Variants in TESK2 observed in about 807,000 individuals in gnomAD.
TESK2 encodes the protein testis associated actin remodelling kinase 2.
In TESK2, 39 loss-of-function variants were observed where a neutral mutation model predicts 57.1. The observed-to-expected ratio is 0.68, with a 90% CI of 0.53 to 0.89. The LOEUF (loss-of-function observed/expected upper bound fraction) is 0.89. Ranked by LOEUF, TESK2 falls within the 40% of genes least tolerant of loss-of-function variation. The pLI, the probability that TESK2 is intolerant of heterozygous loss-of-function variation, is 0.00. For missense variants in TESK2, 646 were observed against 732.1 expected, an observed-to-expected ratio of 0.88 and a Z score of 1.36; for synonymous variants, 249 against 267.9, an observed-to-expected ratio of 0.93 and a Z score of 0.69.
intron 3 of TESK2, among the ~76,000 whole-genome samples, chr1:45,395,813 T>C (rs1649333588): frequency 6.6e-6 from 1 of 152,060 alleles, no homozygotes; most frequent in African/African-American, 2.4e-5. Flanking sequence ...GCTTTAACTA[T>C]GTTTTATCAC....
At chr1:45,411,910 G>C (rs1045197682) in intron 3 of TESK2, among the ~76,000 whole-genome samples, 1 of 152,188 alleles carries the variant, frequency 6.6e-6, no homozygotes, top group Non-Finnish European at 1.5e-5. Flanking sequence ...TCCCGCCTCA[G>C]TCTCCCAAGT....
At chr1:45,472,589 G>A (rs1652814602) in intron 1 of TESK2, among the ~76,000 whole-genome samples, 1 of 148,350 alleles carries the variant, frequency 6.7e-6, no homozygotes, top group Non-Finnish European at 1.5e-5. Flanking sequence ...TGATCAAGTA[G>A]ACATATGAGG....
At chr1:45,485,438 C>T (rs1428269832) in intron 1 of TESK2, among the ~76,000 whole-genome samples, 2 of 152,102 alleles carry the variant, frequency 1.3e-5, no homozygotes, top group African/African-American at 4.8e-5. Flanking sequence ...CCGCCCGCCT[C>T]GGCCTCCCAA....
At chr1:45,346,912 G>A (rs972513694) in intron 8 of TESK2, 67 bp downstream of exon 8, 8 of 1,579,422 alleles carry the variant, frequency 5.1e-6, no homozygotes, top group African/African-American at 2.7e-5. Flanking sequence ...CCATCCCAGG[G>A]ACAGAACAGT....
chr1:45,447,874 G>A (rs903585615), intron 2 of TESK2, among the ~76,000 whole-genome samples: 6 of 151,902 alleles, frequency 3.9e-5, no homozygotes, highest in Non-Finnish European at 1.5e-5. Flanking sequence ...TTTATATGCA[G>A]TCCATCATTG....
chr1:45,369,297 A>G (rs1200594043), intron 4 of TESK2, among the ~76,000 whole-genome samples: 1 of 151,904 alleles, frequency 6.6e-6, no homozygotes, highest in Non-Finnish European at 1.5e-5. Flanking sequence ...TCAAGAGTTC[A>G]AGACCAGCCT....
At chr1:45,454,092 C>T (rs547956305) in intron 2 of TESK2, among the ~76,000 whole-genome samples, 12 of 152,160 alleles carry the variant, frequency 7.9e-5, no homozygotes, top group South Asian at 4.2e-4. Context: ...ACAACCACTA[C>T]GGAAAACAGT....
intron 5 of TESK2, among the ~76,000 whole-genome samples, chr1:45,353,189 T>C (rs1477530008): frequency 1.3e-5 from 2 of 152,234 alleles, no homozygotes; most frequent in Admixed American, 6.5e-5. Flanking sequence ...TGAGCCACCA[T>C]GCCCGGCCTG....
chr1:45,436,126 T>A (rs1227218769), intron 2 of TESK2, among the ~76,000 whole-genome samples: 1 of 149,486 alleles, frequency 6.7e-6, no homozygotes, highest in East Asian at 2.0e-4. Flanking sequence ...TTTGTTTCCA[T>A]ACAAAATTTT....
At chr1:45,345,796 T>A in intron 10 of TESK2, 81 bp downstream of exon 10, 2 of 1,205,078 alleles carry the variant, frequency 1.7e-6, no homozygotes, top group South Asian at 1.3e-5. Context: ...ATCCTGGCAA[T>A]CACAACCCTA....
chr1:45,462,225 A>C (rs923215020), intron 1 of TESK2, among the ~76,000 whole-genome samples: 8 of 151,994 alleles, frequency 5.3e-5, no homozygotes, highest in African/African-American at 1.9e-4. Context: ...ATTTCACTTA[A>C]CATGATGTCC....
chr1:45,387,645 A>G (rs933734861), intron 3 of TESK2, among the ~76,000 whole-genome samples: 1 of 152,216 alleles, frequency 6.6e-6, no homozygotes, highest in Non-Finnish European at 1.5e-5. Flanking sequence ...CAAATTCAGT[A>G]AATGATTGCT....
intron 1 of TESK2, among the ~76,000 whole-genome samples, chr1:45,471,289 T>A (rs1251784541): frequency 1.3e-5 from 2 of 152,184 alleles, no homozygotes; most frequent in Admixed American, 1.3e-4. Flanking sequence ...TTAATCGCTA[T>A]GTTAATATTG....
At chr1:45,464,398 T>C (rs1428596699) in intron 1 of TESK2, among the ~76,000 whole-genome samples, 1 of 151,036 alleles carries the variant, frequency 6.6e-6, no homozygotes, top group South Asian at 2.1e-4. Flanking sequence ...CACTCCAGCC[T>C]TGGCGACAGA....
intron 4 of TESK2, among the ~76,000 whole-genome samples, 176 bp downstream of exon 4, chr1:45,385,736 A>ATATATATATATATATATATAT (rs1557552020): frequency 1.6e-4 from 24 of 149,172 alleles, no homozygotes; most frequent in African/African-American, 5.7e-4. Context: ...ATATATATAT[A>ATATATATATATATATATATAT]AAGAAATACT....
At position 45,480,863 on chromosome 1, in the gene TESK2, C is replaced by G. The variant is rs533740407; in HGVS notation, c.-87+9989G>C. On this transcript the variant is annotated intron_variant, in intron 1 of 10. Transcript: ENST00000372086. ...ATTAGCCAGGTGTGGTGGTGCACAC[C>G]TGTAATCCCAGCTACTCAGGAGGCT... 2.2e-3 allele frequency among the ~76,000 whole-genome samples: 329 copies of G among 151,330 alleles called. 1 individual carries two copies. Among genetic ancestry groups the G allele is most frequent in the African/African-American group, 7.7e-3 (316 of 40,984 alleles).
intron 1 of TESK2, among the ~76,000 whole-genome samples, chr1:45,473,103 G>A (rs1246828978): frequency 2.0e-5 from 3 of 149,574 alleles, no homozygotes; most frequent in South Asian, 2.1e-4. Context: ...GCAGTGAGCC[G>A]AGATCGTGCC....
intron 4 of TESK2, among the ~76,000 whole-genome samples, chr1:45,356,672 A>G (rs1220019058): frequency 6.6e-6 from 1 of 152,070 alleles, no homozygotes; most frequent in Non-Finnish European, 1.5e-5. Flanking sequence ...TAAATTATTA[A>G]AGGTACAGGT....
chr1:45,444,311 G>C (rs976304281), intron 2 of TESK2, among the ~76,000 whole-genome samples: 8 of 152,096 alleles, frequency 5.3e-5, no homozygotes, highest in Non-Finnish European at 2.9e-5. Context: ...TACTGTATCA[G>C]ACTATATTAT....
Sources: gnomAD v4.1 joint callset for allele counts (sites outside exome capture counted in the v4.1 genomes callset) on GRCh38, gnomAD v4.1.1 for gene constraint, MANE v1.5 for transcripts, NCBI Gene and HGNC (gene_info 2026-07-23, HGNC 2026-07-21) for gene names.